Variants in MTMR12 observed in about 807,000 individuals in gnomAD.
MTMR12 encodes the protein myotubularin related protein 12, also known as myotubularin-related protein 12.
MTMR12 carries 33 observed loss-of-function variants against 96.7 expected under a neutral mutation model. The observed-to-expected ratio is 0.34, with a 90% CI of 0.26 to 0.46. The LOEUF is 0.46. MTMR12 is among the 20% of genes least tolerant of loss of function. The pLI is 1.00. For synonymous variants in MTMR12, 298 were observed against 327.2 expected, an observed-to-expected ratio of 0.91 and a Z score of 0.96; for missense variants, 721 against 896.1, an observed-to-expected ratio of 0.80 and a Z score of 2.49.
At position 32,238,982 on chromosome 5, in the gene MTMR12, C is replaced by A. The variant is rs1748348772; in HGVS notation, c.1344+19G>T. 1 of 1,565,462 alleles carries A rather than the reference C, an allele frequency of 6.4e-7. No individual in the cohort carries two copies. The highest frequency in any genetic ancestry group is 8.7e-7 in the Non-Finnish European group (1 of 1,150,152). ...TAGTTCTCCCTATGACGGAAACAGT[C>A]TGCAGTGAGGGAACTCACCTCCTCT... On this transcript the variant is annotated intron_variant, in intron 13 of 15. Coordinates refer to ENST00000382142, the MANE Select transcript of MTMR12 (RefSeq NM_001040446.3).
At chr5:32,254,677 T>C (rs1002107617) in intron 8 of MTMR12, among the ~76,000 whole-genome samples, 4 of 152,030 alleles carry the variant, frequency 2.6e-5, no homozygotes, top group Admixed American at 1.3e-4. Context: ...ACCCCGTCTC[T>C]ACTAAAAACA....
chr5:32,270,862 C>T lies in MTMR12; in HGVS notation c.444G>A (p.Val148=). Residue 148 remains valine, a synonymous_variant, in exon 5 of 16, where the codon GTG becomes GTA. Transcript: ENST00000382142. ...KLIIHCKDLR[V]FQFCLRYTKE... The stretch of plus-strand genomic sequence containing the variant: ...TTGTGTACCTCAGACAAAACTGGAA[C>T]ACTCGAAGGTCTTTGCAGTGGATGA... The T allele has an allele frequency of 1.2e-6, 2 of 1,613,858 alleles. No individual in the cohort carries two copies. Among genetic ancestry groups the T allele is most frequent in the African/African-American group, 1.3e-5 (1 of 75,036 alleles).
At position 32,283,250 on chromosome 5, in the gene MTMR12, A is replaced by T. The variant is rs150024454; in HGVS notation, c.82-6508T>A. On this transcript the variant is annotated intron_variant, in intron 1 of 15. Transcript: ENST00000382142. ...TACAAATTACTACACTGTGACCAAGAGTCACTTGTGGACTGTAGACATCAC... is the reference window on the plus strand; with the variant it reads ...TACAAATTACTACACTGTGACCAAGTGTCACTTGTGGACTGTAGACATCAC... Among the ~76,000 whole-genome samples the T allele has an allele frequency of 5.9e-5, 9 of 152,328 alleles. No individual in the cohort carries two copies. In the East Asian group the frequency reaches 1.7e-3, roughly 29 times the overall value.
At chr5:32,272,472 C>T (rs989942204) in intron 3 of MTMR12, among the ~76,000 whole-genome samples, 1 of 151,952 alleles carries the variant, frequency 6.6e-6, no homozygotes, top group African/African-American at 2.4e-5. Flanking sequence ...CTCCACCTCT[C>T]AGGCTCAAGC....
chr5:32,304,657 G>A (rs1751283619), intron 1 of MTMR12, among the ~76,000 whole-genome samples: 1 of 152,164 alleles, frequency 6.6e-6, no homozygotes, highest in Non-Finnish European at 1.5e-5. Flanking sequence ...CTAAGTGTGG[G>A]GTCCCCACAG....
intron 11 of MTMR12, among the ~76,000 whole-genome samples, chr5:32,242,485 T>C (rs959829311): frequency 6.6e-6 from 1 of 152,168 alleles, no homozygotes; most frequent in African/African-American, 2.4e-5. Context: ...TCCAGATTGC[T>C]TTACTTAAGG....
At chr5:32,273,946 C>G (rs754822298) in intron 3 of MTMR12, 34 bp downstream of exon 3, 19 of 1,612,370 alleles carry the variant, frequency 1.2e-5, no homozygotes, top group Non-Finnish European at 1.6e-5. Flanking sequence ...CACACTGTTG[C>G]CCACAAACTC....
intron 15 of MTMR12, among the ~76,000 whole-genome samples, chr5:32,231,449 G>C (rs1163441073): frequency 3.3e-5 from 5 of 151,246 alleles, no homozygotes; most frequent in African/African-American, 1.2e-4. Flanking sequence ...GTTCCCCAGT[G>C]CCCAAAGCAG....
intron 1 of MTMR12, among the ~76,000 whole-genome samples, chr5:32,283,557 C>A (rs894037577): frequency 3.3e-5 from 5 of 152,154 alleles, no homozygotes; most frequent in African/African-American, 9.7e-5. Context: ...GCGCAGTCTG[C>A]GTTCCTGGCC....
chr5:32,268,066 C>G (rs751478256), intron 6 of MTMR12, among the ~76,000 whole-genome samples: 1 of 152,042 alleles, frequency 6.6e-6, no homozygotes, highest in African/African-American at 2.4e-5. Flanking sequence ...CGCCTGACCT[C>G]GTGATCCACC....
rs539762727 is a variant in MTMR12 at position 32,245,134 on chromosome 5, C to T, written c.1022-1535G>A. On this transcript the variant is annotated intron_variant, in intron 10 of 15. Coordinates refer to ENST00000382142, the MANE Select transcript of MTMR12 (RefSeq NM_001040446.3). ...CACTGCAACCTCTGCCTCCCGGGTT[C>T]AAGCGATTCTTCTGTCTCAGCCTCC... Among the ~76,000 whole-genome samples the T allele has an allele frequency of 4.6e-5, 7 of 152,274 alleles. No homozygotes were observed. The East Asian group carries it at 1.4e-3, about 29-fold the overall frequency.
chr5:32,248,219 T>A, intron 9 of MTMR12, 93 bp from the exon 10 acceptor site: 1 of 1,374,184 alleles, frequency 7.3e-7, no homozygotes, highest in Non-Finnish European at 1.0e-6. Context: ...AAGGGCTCAG[T>A]AGGCATTCTC....
Position 32,233,411 on chromosome 5 carries a change from C to T in MTMR12, c.1674+362G>A, listed in dbSNP as rs1032841534. On this transcript the variant is annotated intron_variant, in intron 15 of 15. Coordinates refer to ENST00000382142, the MANE Select transcript of MTMR12 (RefSeq NM_001040446.3). The surrounding 1 kb of genome is among the most constrained non-coding windows in gnomAD (Gnocchi z 5.0). ...TTTATTATAATAAATGAACTGGTAT[C>T]GGCCAAGTAAAACCCACACAATCAA... is the stretch of plus-strand genomic sequence containing the variant. 1.3e-5 allele frequency among the ~76,000 whole-genome samples: 2 copies of T among 151,430 alleles called. No homozygotes were observed. Among genetic ancestry groups the T allele is most frequent in the African/African-American group, 4.9e-5 (2 of 41,068 alleles).
At chr5:32,291,483 T>C (rs534747792) in intron 1 of MTMR12, among the ~76,000 whole-genome samples, 13 of 152,316 alleles carry the variant, frequency 8.5e-5, no homozygotes, top group African/African-American at 1.2e-4. Flanking sequence ...AAGAGTTATA[T>C]GGATGGTCCT....
intron 1 of MTMR12, among the ~76,000 whole-genome samples, chr5:32,304,310 A>C (rs1172051274): frequency 2.0e-5 from 3 of 150,922 alleles, no homozygotes; most frequent in Non-Finnish European, 4.4e-5. Flanking sequence ...ACAGAGTGAG[A>C]CTCCGTCTCC....
At chr5:32,284,154 T>A (rs1007903180) in intron 1 of MTMR12, among the ~76,000 whole-genome samples, 7 of 148,182 alleles carry the variant, frequency 4.7e-5, no homozygotes, top group South Asian at 2.1e-4. Context: ...AAAAAAAAAT[T>A]TTTTTTTTTT....
chr5:32,236,864 A>C (rs1453575872), intron 13 of MTMR12, among the ~76,000 whole-genome samples: 6 of 152,054 alleles, frequency 3.9e-5, no homozygotes, highest in African/African-American at 1.4e-4. Flanking sequence ...AAAGAAAAGA[A>C]AAGAAAAAAA....
chr5:32,300,789 T>C (rs527771046), intron 1 of MTMR12, among the ~76,000 whole-genome samples: 62 of 152,326 alleles, frequency 4.1e-4, no homozygotes, highest in South Asian at 8.3e-4. Context: ...AAGAGATTTG[T>C]AGGGGCCAGG....
rs1283062552 is a variant in MTMR12 at position 32,228,587 on chromosome 5, ATG to A, written c.*1189_*1190del. ...TATATATCATATATATATCATATAT[ATG>A]TGATATATATATATATATCATATAT... On this transcript the variant is annotated 3_prime_UTR_variant, in exon 16 of 16. Transcript: ENST00000382142. 193 of 117,920 alleles carry A rather than the reference ATG, an allele frequency of 1.6e-3. 3 individuals are homozygous for A. The highest frequency in any genetic ancestry group is 6.1e-3 in the African/African-American group (180 of 29,282). 7.3% of individuals were successfully genotyped at this position (117,920 alleles called of 1,614,324 possible).
Sources: allele counts gnomAD v4.1 joint callset (sites outside exome capture counted in the v4.1 genomes callset), GRCh38; gene constraint gnomAD v4.1.1; non-coding constraint Gnocchi (gnomAD v3.1); transcripts MANE v1.5; gene names NCBI Gene and HGNC (gene_info 2026-07-23, HGNC 2026-07-21).